PLCH2: variants seen among roughly 807,000 people sequenced by gnomAD.
PLCH2 encodes phospholipase C eta 2, also known as 1-phosphatidylinositol 4,5-bisphosphate phosphodiesterase eta-2.
PLCH2 carries 98 observed loss-of-function variants against 134.7 expected under a neutral mutation model. The observed-to-expected ratio is 0.73, with a 90% CI of 0.62 to 0.86. The LOEUF (loss-of-function observed/expected upper bound fraction) is 0.86, where lower values mean the gene tolerates loss of function less well. PLCH2 is among the 40% of genes least tolerant of loss of function. The pLI is 0.00. For missense variants in PLCH2, 1,994 were observed against 1,986.6 expected (o/e 1.00, Z -0.07); for synonymous variants, 974 against 827.5 (o/e 1.18, Z -3.04).
At position 2,498,657 on chromosome 1, in the gene PLCH2, A is replaced by G. The variant is rs770688703; in HGVS notation, c.2349+10A>G. 39 of 834,036 alleles carry G rather than the reference A, an allele frequency of 4.7e-5. No individual in the cohort carries two copies. Among genetic ancestry groups the G allele is most frequent in the Non-Finnish European group, 6.7e-5 (38 of 565,124 alleles). The allele number at this position is 834,036 out of a possible 1,614,324, so 51.7% of individuals were successfully genotyped here. ...GGGGGACCGTGGGGAGGTGGGGGCC[A>G]GCCCCACACAGGCGGGAGGGGTGGG... On this transcript the variant is annotated intron_variant, in intron 17 of 21. Transcript: ENST00000378486. The surrounding 1 kb of genome is among the most constrained non-coding windows in gnomAD (Gnocchi z 5.4).
At chr1:2,487,880 G>A (rs915009544) in intron 8 of PLCH2, among the ~76,000 whole-genome samples, 162 bp downstream of exon 8, 6 of 152,180 alleles carry the variant, frequency 3.9e-5, no homozygotes, top group African/African-American at 1.4e-4. Context: ...AGGAGAGAGG[G>A]GCAGGGAGAG....
chr1:2,450,153 C>G (rs371207603), intron 2 of PLCH2, among the ~76,000 whole-genome samples: 2 of 152,214 alleles, frequency 1.3e-5, no homozygotes, highest in African/African-American at 4.8e-5. Context: ...TGGCTTCATC[C>G]GTTGCTGTCC....
chr1:2,473,969 G>C (rs1430870966), upstream of PLCH2, among the ~76,000 whole-genome samples: 1 of 152,252 alleles, frequency 6.6e-6, no homozygotes, highest in Non-Finnish European at 1.5e-5. Flanking sequence ...CGGCCTGGGG[G>C]TGGGTGTGGA....
chr1:2,441,207 A>G (rs953373992), intron 2 of PLCH2, among the ~76,000 whole-genome samples: 3 of 152,178 alleles, frequency 2.0e-5, no homozygotes, highest in Non-Finnish European at 4.4e-5. Flanking sequence ...AAAAGTGGAG[A>G]GAGCCCCCCT....
At position 2,499,070 on chromosome 1, in the gene PLCH2, C is replaced by G. The variant is rs763234324; in HGVS notation, c.2435-14C>G. 6.2e-7 allele frequency: 1 copy of G among 1,603,436 alleles called. No homozygotes were observed. Among genetic ancestry groups the G allele is most frequent in the East Asian group, 2.3e-5 (1 of 44,424 alleles). On this transcript the variant is annotated splice_polypyrimidine_tract_variant and intron_variant, in intron 18 of 21. Transcript: ENST00000378486. ...CCTCCCCATGGGACACTCCTCCTGG[C>G]GCTGCTTCCCCAGGGTTCAACCCCA... is the stretch of plus-strand genomic sequence containing the variant.
intron 8 of PLCH2, among the ~76,000 whole-genome samples, chr1:2,488,401 A>C (rs539403393): frequency 1.3e-5 from 2 of 152,248 alleles, no homozygotes; most frequent in Admixed American, 1.3e-4. Flanking sequence ...TGCACCTATG[A>C]CCAGTGTAAT....
chr1:2,484,863 T>G (rs1001219650), intron 5 of PLCH2, among the ~76,000 whole-genome samples: 57 of 152,270 alleles, frequency 3.7e-4, no homozygotes, highest in African/African-American at 1.3e-3. Context: ...GGGTGCGCTC[T>G]ATGGGGCAGC....
chr1:2,505,289 G>A lies in PLCH2; in HGVS notation c.*76G>A. 8.4e-7 allele frequency: 1 copy of A among 1,185,552 alleles called. No individual in the cohort carries two copies. Among genetic ancestry groups the A allele is most frequent in the South Asian group, 1.4e-5 (1 of 69,296 alleles). The allele number at this position is 1,185,552 out of a possible 1,614,324, so 73.4% of individuals were successfully genotyped here. A position where few individuals can be genotyped will look rare whatever the true frequency, so the allele number is the denominator to read the frequency against. On this transcript the variant is annotated 3_prime_UTR_variant, in exon 22 of 22. Coordinates refer to ENST00000378486, the MANE Select transcript of PLCH2 (RefSeq NM_014638.4). ...GCGTGTTGTTTGCTCAGGAAACAGG[G>A]CAGCCAGGCCCCCAAAACTGTGTCC...
At chr1:2,496,505 G>A (rs902987362) in intron 13 of PLCH2, 102 bp from the exon 14 acceptor site, 5 of 953,908 alleles carry the variant, frequency 5.2e-6, no homozygotes, top group East Asian at 2.6e-5. Context: ...GGCCTGCTGC[G>A]TGAATTAATG....
chr1:2,453,748 C>T (rs1570311110), intron 2 of PLCH2, among the ~76,000 whole-genome samples: 1 of 152,310 alleles, frequency 6.6e-6, no homozygotes, highest in East Asian at 1.9e-4. Context: ...GTGTGCAGCC[C>T]CTGGACACCC....
Position 2,479,896 on chromosome 1 carries a change from C to A in PLCH2, c.434C>A (p.Thr145Asn). ...TCCACCAGCAGCGAGGTGGCGCGCA[C>A]CTGGGTCACTGGCCTGCGCTACCTC... ...LVSTSSEVAR[T>N]WVTGLRYLMA... The change falls in exon 3 of 22, where the codon ACC (threonine) becomes AAC (asparagine). Residue 145 changes from threonine to asparagine, a missense_variant. By Grantham distance (65) the Thr-to-Asn change is moderately conservative (BLOSUM62 0). Around this residue, in one of 2 missense-constraint regions of PLCH2, gnomAD observed 1,094 missense variants for 1,234.3 expected, o/e 0.89. Coordinates refer to ENST00000378486, the MANE Select transcript of PLCH2 (RefSeq NM_014638.4). 6.2e-7 allele frequency: 1 copy of A among 1,611,954 alleles called. No homozygotes were observed. The highest frequency in any genetic ancestry group is 8.5e-7 in the Non-Finnish European group (1 of 1,179,584).
At chr1:2,490,552 G>A (rs958448651) in intron 10 of PLCH2, among the ~76,000 whole-genome samples, 1 of 152,228 alleles carries the variant, frequency 6.6e-6, no homozygotes, top group African/African-American at 2.4e-5. Flanking sequence ...GTTGCTTCCA[G>A]AGGGGCCATG....
chr1:2,504,234 T>C lies in PLCH2; in HGVS notation c.3272T>C (p.Ile1091Thr). The C allele has an allele frequency of 6.3e-7, 1 of 1,576,442 alleles. No individual in the cohort carries two copies. Residue 1091 changes from isoleucine to threonine, a missense_variant, in exon 22 of 22, where the codon ATT (isoleucine) becomes ACT (threonine). Ile to Thr is a moderately conservative substitution (Grantham distance 89). Transcript: ENST00000378486. ...QPRTLGHLPV[I>T]RRVKSEGQVP... ...CGGACCCTGGGCCACCTGCCCGTGA[T>C]TAGAAGGGTGAAGAGTGAGGGGCAG... is the stretch of plus-strand genomic sequence containing the variant.
chr1:2,475,036 G>A (rs751659605), upstream of PLCH2, among the ~76,000 whole-genome samples: 15 of 152,206 alleles, frequency 9.9e-5, no homozygotes, highest in Non-Finnish European at 1.3e-4. Flanking sequence ...TGCTTCCGCC[G>A]AGAGCAGCAG....
chr1:2,487,529 C>A, intron 7 of PLCH2, 69 bp from the exon 8 acceptor site: 2 of 1,553,178 alleles, frequency 1.3e-6, no homozygotes, highest in South Asian at 1.2e-5. Flanking sequence ...CTCTTTTGGT[C>A]GAAGCTCAGC....
At chr1:2,441,810 C>T (rs950531985) in intron 2 of PLCH2, among the ~76,000 whole-genome samples, 3 of 152,118 alleles carry the variant, frequency 2.0e-5, no homozygotes, top group East Asian at 1.9e-4. Context: ...GGGGGAGGAG[C>T]GGCTCTCTTT....
chr1:2,466,300 G>A (rs936807347), upstream of PLCH2, among the ~76,000 whole-genome samples: 3 of 152,174 alleles, frequency 2.0e-5, no homozygotes, highest in Admixed American at 2.0e-4. Flanking sequence ...GAGAGAGACT[G>A]TTCATTCACG....
rs546615844 is a variant in PLCH2, at chr1:2,504,132, G to A, written c.3170G>A (p.Arg1057Gln). The change falls in exon 22 of 22, where the codon CGG becomes CAG. Residue 1057 changes from arginine to glutamine, a missense_variant. By Grantham distance (43) the Arg-to-Gln change is conservative (BLOSUM62 1). Transcript: ENST00000378486. ...GAGGAGCCCCGAGACAGCAGGCCTCGGCCGTGCAACGGCGAGGGCGCCGGC... is the reference window on the plus strand; with the variant it reads ...GAGGAGCCCCGAGACAGCAGGCCTCAGCCGTGCAACGGCGAGGGCGCCGGC... ...DTEEPRDSRP[R>Q]PCNGEGAGGA... The A allele has an allele frequency of 9.3e-5, 141 of 1,522,306 alleles. No individual in the cohort carries two copies. Among genetic ancestry groups the A allele is most frequent in the African/African-American group, 3.2e-4 (23 of 71,250 alleles). The allele number at this position is 1,522,306 out of a possible 1,614,324, so 94.3% of individuals were successfully genotyped here. A position where few individuals can be genotyped will look rare whatever the true frequency, so the allele number is the denominator to read the frequency against.
chr1:2,424,573 A>G (rs767158943), upstream of PLCH2, among the ~76,000 whole-genome samples: 55 of 152,320 alleles, frequency 3.6e-4, no homozygotes, highest in South Asian at 4.1e-4. Flanking sequence ...GGCTGAGGCC[A>G]GGTGCGGTGG....
Sources: allele counts gnomAD v4.1 joint callset (sites outside exome capture counted in the v4.1 genomes callset), GRCh38; gene constraint gnomAD v4.1.1; regional missense constraint gnomAD v4.1.1; non-coding constraint Gnocchi (gnomAD v3.1); transcripts MANE v1.5; gene names NCBI Gene and HGNC (gene_info 2026-07-23, HGNC 2026-07-21).